The following RGS7 variants were observed in gnomAD, a reference collection of about 807,000 sequenced individuals.
RGS7 encodes the protein regulator of G-protein signaling 7.
In RGS7, 27 loss-of-function variants were observed where a neutral mutation model predicts 81.1. The ratio of observed to expected loss-of-function variants is 0.33; its 90% confidence interval spans 0.25 to 0.46. RGS7 has a LOEUF of 0.46. Ranked by LOEUF, RGS7 falls within the 20% of genes least tolerant of loss-of-function variation. The pLI, the probability that RGS7 is intolerant of heterozygous loss-of-function variation, is 1.00. For missense variants in RGS7, 396 were observed against 607.4 expected, an observed-to-expected ratio of 0.65 and a Z score of 3.66; for synonymous variants, 208 against 207.7, an observed-to-expected ratio of 1.00 and a Z score of -0.01.
chr1:240,878,924 T>C (rs1203453871), intron 6 of RGS7, among the ~76,000 whole-genome samples: 1 of 152,232 alleles, frequency 6.6e-6, no homozygotes, highest in African/African-American at 2.4e-5. Flanking sequence ...TTTTTCTTTT[T>C]ATTTTTTCCT....
At chr1:240,893,268 T>A (rs909469276) in intron 6 of RGS7, among the ~76,000 whole-genome samples, 1 of 152,200 alleles carries the variant, frequency 6.6e-6, no homozygotes, top group Non-Finnish European at 1.5e-5. Flanking sequence ...CGTGACTCAG[T>A]TTTTCTTTGA....
intron 18 of RGS7, among the ~76,000 whole-genome samples, chr1:240,790,904 C>T (rs1685886466): frequency 6.6e-6 from 1 of 152,134 alleles, no homozygotes; most frequent in Non-Finnish European, 1.5e-5. Flanking sequence ...TCCCAATAAT[C>T]TTTTCTATCT....
At chr1:241,145,362 A>G (rs1024097365) in intron 2 of RGS7, among the ~76,000 whole-genome samples, 1 of 152,220 alleles carries the variant, frequency 6.6e-6, no homozygotes, top group Non-Finnish European at 1.5e-5. Flanking sequence ...TTAGAGATCC[A>G]TAAAAGCCAG....
intron 4 of RGS7, among the ~76,000 whole-genome samples, chr1:240,980,718 A>G (rs1321733308): frequency 6.6e-6 from 1 of 152,222 alleles, no homozygotes; most frequent in Non-Finnish European, 1.5e-5. Context: ...TCTGTTACAT[A>G]TTCAGAACAA....
chr1:241,077,992 G>A (rs1337906906), intron 3 of RGS7, among the ~76,000 whole-genome samples: 1 of 151,696 alleles, frequency 6.6e-6, no homozygotes, highest in Admixed American at 6.6e-5. Flanking sequence ...CAGAAACACA[G>A]ACCACTGACT....
At chr1:241,335,150 AG>A (rs1208535278) in intron 2 of RGS7, among the ~76,000 whole-genome samples, 1 of 152,210 alleles carries the variant, frequency 6.6e-6, no homozygotes, top group Non-Finnish European at 1.5e-5. Flanking sequence ...CCTAAGTTAT[AG>A]GGGGAGAGGA....
chr1:240,942,751 A>C (rs554243081), intron 4 of RGS7, among the ~76,000 whole-genome samples: 1 of 152,210 alleles, frequency 6.6e-6, no homozygotes, highest in Non-Finnish European at 1.5e-5. Context: ...GATATGTTAG[A>C]CTTGTTACTT....
chr1:241,306,780 CAT>C (rs2080194913), intron 2 of RGS7, among the ~76,000 whole-genome samples: 1 of 152,102 alleles, frequency 6.6e-6, no homozygotes, highest in Non-Finnish European at 1.5e-5. Context: ...TTTACACACA[CAT>C]CCTCACACAT....
intron 2 of RGS7, among the ~76,000 whole-genome samples, chr1:241,148,299 C>T (rs983279049): frequency 6.6e-6 from 1 of 152,098 alleles, no homozygotes; most frequent in Non-Finnish European, 1.5e-5. Context: ...GATCCACCCA[C>T]CTCGGCCTTC....
intron 2 of RGS7, among the ~76,000 whole-genome samples, chr1:241,281,990 C>T (rs1429405432): frequency 2.0e-5 from 3 of 152,166 alleles, no homozygotes; most frequent in Non-Finnish European, 2.9e-5. Context: ...AATAGCTGTA[C>T]TCATATTTTC....
In RGS7 at chr1:240,806,381, CT is replaced by C. The variant is rs1001557142; in HGVS notation, c.1083-56del. On this transcript the variant is annotated intron_variant, in intron 14 of 18. Transcript: ENST00000440928. Reference sequence around the variant, plus strand: ...TCTGATGGCCCATCATCTGAAAATTCTTGTGACATTTACGGATCATGCAGTT... The same window carrying C: ...TCTGATGGCCCATCATCTGAAAATTCTGTGACATTTACGGATCATGCAGTT... The C allele has an allele frequency of 2.6e-5, 41 of 1,550,782 alleles. No homozygotes were observed. In the African/African-American group the frequency reaches 5.2e-4, roughly 20 times the overall value.
intron 3 of RGS7, among the ~76,000 whole-genome samples, chr1:241,018,133 A>ATTTT (rs34587479): frequency 1.7e-5 from 2 of 114,440 alleles, no homozygotes; most frequent in Non-Finnish European, 3.5e-5. Context: ...TGCCCAGCTA[A>ATTTT]TTTTTTTTTT....
chr1:240,984,013 T>G (rs139293049), intron 3 of RGS7, among the ~76,000 whole-genome samples: 6 of 152,318 alleles, frequency 3.9e-5, no homozygotes, highest in Non-Finnish European at 5.9e-5. Context: ...ATTTAGTTGC[T>G]GAAGGGGCCT....
chr1:241,207,714 A>G (rs541366636), intron 2 of RGS7, among the ~76,000 whole-genome samples: 9 of 152,272 alleles, frequency 5.9e-5, no homozygotes, highest in Non-Finnish European at 7.4e-5. Flanking sequence ...ACATTTTGCA[A>G]TTTTTAAATA....
At chr1:241,203,268 C>T (rs1340556979) in intron 2 of RGS7, among the ~76,000 whole-genome samples, 1 of 152,032 alleles carries the variant, frequency 6.6e-6, no homozygotes, top group East Asian at 1.9e-4. Context: ...GAGTCTCGCT[C>T]TGTCACCAGG....
At chr1:241,212,454 T>C (rs1301707759) in intron 2 of RGS7, among the ~76,000 whole-genome samples, 2 of 152,144 alleles carry the variant, frequency 1.3e-5, no homozygotes, top group African/African-American at 4.8e-5. Flanking sequence ...TGCATTTTTA[T>C]TTTGTGCTGG....
At chr1:241,307,249 C>A (rs1317108474) in intron 2 of RGS7, among the ~76,000 whole-genome samples, 1 of 152,116 alleles carries the variant, frequency 6.6e-6, no homozygotes, top group East Asian at 1.9e-4. Context: ...TCTTTCTACT[C>A]CCTCCTAATG....
intron 4 of RGS7, among the ~76,000 whole-genome samples, chr1:240,968,005 T>A (rs1291599969): frequency 6.6e-6 from 1 of 152,076 alleles, no homozygotes; most frequent in African/African-American, 2.4e-5. Flanking sequence ...AATATCCATA[T>A]CCAAACATCC....
At chr1:241,105,191 G>A (rs1362437610) in intron 2 of RGS7, among the ~76,000 whole-genome samples, 2 of 152,114 alleles carry the variant, frequency 1.3e-5, no homozygotes, top group African/African-American at 2.4e-5. Flanking sequence ...ATCTAATGCA[G>A]AGATACTTCA....
Sources: gnomAD v4.1 joint callset for allele counts (sites outside exome capture counted in the v4.1 genomes callset) on GRCh38, gnomAD v4.1.1 for gene constraint, MANE v1.5 for transcripts, NCBI Gene and HGNC (gene_info 2026-07-23, HGNC 2026-07-21) for gene names.